The following ADCY8 variants were observed in gnomAD, a reference collection of about 807,000 sequenced individuals.
ADCY8 encodes adenylate cyclase type 8.
In ADCY8, 51 loss-of-function variants were observed where a neutral mutation model predicts 119.7. The ratio of observed to expected loss-of-function variants is 0.43; its 90% confidence interval spans 0.34 to 0.54. The LOEUF is 0.54. ADCY8 is among the 20% of genes least tolerant of loss of function. ADCY8 has a pLI of 0.03. For missense variants in ADCY8, 1,383 were observed against 1,598.8 expected (o/e 0.87, Z 2.30); for synonymous variants, 665 against 651.0 (o/e 1.02, Z -0.33).
chr8:131,034,253 A>C lies in ADCY8; in HGVS notation c.960+5121T>G, dbSNP rs565982307. Among the ~76,000 whole-genome samples, 11 of 152,292 alleles carry C rather than the reference A, an allele frequency of 7.2e-5. No homozygotes were observed. The South Asian group carries it at 2.3e-3, about 32-fold the overall frequency. On this transcript the variant is annotated intron_variant, in intron 1 of 17. Coordinates refer to ENST00000286355, the MANE Select transcript of ADCY8 (RefSeq NM_001115.3). ...CTACAAAGAACCTTAGACTTAGACA[A>C]AGAACATATAATATCTTATGTTTAA... is the stretch of plus-strand genomic sequence containing the variant.
chr8:130,986,884 C>T (rs1415572496), intron 2 of ADCY8, among the ~76,000 whole-genome samples: 1 of 152,182 alleles, frequency 6.6e-6, no homozygotes, highest in African/African-American at 2.4e-5. Context: ...AAGAGGTTCA[C>T]AATTTGCTGC....
intron 14 of ADCY8, among the ~76,000 whole-genome samples, chr8:130,807,832 A>C (rs577701283): frequency 2.7e-5 from 4 of 149,768 alleles, no homozygotes; most frequent in Admixed American, 1.3e-4. Flanking sequence ...AAAATACAAA[A>C]AATTAGCCGG....
At chr8:130,958,060 C>G (rs992160610) in intron 2 of ADCY8, among the ~76,000 whole-genome samples, 19 of 152,202 alleles carry the variant, frequency 1.2e-4, no homozygotes, top group African/African-American at 4.6e-4. Flanking sequence ...TCCTCCAGAC[C>G]CCAGAATGGT....
At chr8:130,878,954 A>G (rs1818665214) in intron 8 of ADCY8, among the ~76,000 whole-genome samples, 1 of 152,224 alleles carries the variant, frequency 6.6e-6, no homozygotes, top group African/African-American at 2.4e-5. Flanking sequence ...TCTTTATTCA[A>G]GATGAGGAAG....
chr8:130,950,040 C>T (rs141962043), intron 3 of ADCY8, among the ~76,000 whole-genome samples: 25 of 152,290 alleles, frequency 1.6e-4, no homozygotes, highest in Middle Eastern at 3.4e-3. Flanking sequence ...TTTTAAAACG[C>T]GTGTTCCTGC....
chr8:130,897,801 AC>A (rs1471666521), intron 7 of ADCY8, among the ~76,000 whole-genome samples: 1 of 87,750 alleles, frequency 1.1e-5, no homozygotes, highest in Non-Finnish European at 2.5e-5. Flanking sequence ...CACACACCAT[AC>A]CACACATATA....
At chr8:130,909,019 CTCCATCCATCCATCCATCCACCA>C (rs1196939218) in intron 6 of ADCY8, among the ~76,000 whole-genome samples, 5 of 100,688 alleles carry the variant, frequency 5.0e-5, no homozygotes, top group East Asian at 3.4e-4. Context: ...CTTTCTCTAT[CTCCATCCATCCATCCATCCACCA>C]TCCATCCATC....
chr8:130,926,366 TA>T (rs971396726), intron 5 of ADCY8, among the ~76,000 whole-genome samples: 2 of 152,158 alleles, frequency 1.3e-5, no homozygotes, highest in Non-Finnish European at 2.9e-5. Context: ...AACAGCTCAG[TA>T]AAAGGCAAAT....
chr8:130,976,977 C>T (rs1822090877), intron 2 of ADCY8, among the ~76,000 whole-genome samples: 1 of 152,168 alleles, frequency 6.6e-6, no homozygotes, highest in Non-Finnish European at 1.5e-5. Context: ...TCAAGGCCAA[C>T]CTGTCCCATC....
At chr8:130,801,899 CTTTTTT>C (rs34853195) in intron 14 of ADCY8, among the ~76,000 whole-genome samples, 2 of 97,792 alleles carry the variant, frequency 2.0e-5, no homozygotes, top group South Asian at 4.5e-4. Context: ...TTGAGAATGC[CTTTTTT>C]TTTTTTTTTT....
At chr8:130,821,887 T>C (rs1816521776) in intron 12 of ADCY8, among the ~76,000 whole-genome samples, 1 of 152,180 alleles carries the variant, frequency 6.6e-6, no homozygotes, top group Admixed American at 6.5e-5. Context: ...GGAGGTATTT[T>C]GCATATGAGG....
chr8:130,783,545 C>T, intron 17 of ADCY8, 146 bp downstream of exon 17: 1 of 580,672 alleles, frequency 1.7e-6, no homozygotes, highest in Non-Finnish European at 3.1e-6. Context: ...CCTGAGCTGA[C>T]CTTGTCCCTA....
At chr8:130,914,634 C>T (rs940041432) in intron 5 of ADCY8, among the ~76,000 whole-genome samples, 3 of 152,134 alleles carry the variant, frequency 2.0e-5, no homozygotes, top group Admixed American at 6.6e-5. Context: ...ATTTCAAGAT[C>T]AGTTCTTGAG....
At chr8:130,892,843 A>G (rs1819235583) in intron 7 of ADCY8, 1 of 152,090 alleles carries the variant, frequency 6.6e-6, no homozygotes, top group South Asian at 2.1e-4. Context: ...GGAATTACCA[A>G]CATTCTAGAT....
At chr8:130,916,763 G>C (rs1305762670) in intron 5 of ADCY8, among the ~76,000 whole-genome samples, 2 of 152,204 alleles carry the variant, frequency 1.3e-5, no homozygotes, top group Non-Finnish European at 1.5e-5. Flanking sequence ...CCATCCCTTC[G>C]TTTCCCTCAA....
chr8:130,822,986 G>C (rs1179716514), intron 12 of ADCY8, among the ~76,000 whole-genome samples: 4 of 152,294 alleles, frequency 2.6e-5, no homozygotes, highest in Non-Finnish European at 2.9e-5. Flanking sequence ...GCTTTAAAAA[G>C]TCACTTGTTC....
At chr8:130,998,561 C>A (rs1199252382) in intron 1 of ADCY8, among the ~76,000 whole-genome samples, 2 of 152,108 alleles carry the variant, frequency 1.3e-5, no homozygotes, top group African/African-American at 4.8e-5. Flanking sequence ...GAAGGCCCTG[C>A]AAAGTTCTTA....
chr8:130,897,722 TCA>T (rs1819447168), intron 7 of ADCY8, among the ~76,000 whole-genome samples: 1 of 570 alleles, frequency 1.8e-3, no homozygotes, highest in Non-Finnish European at 4.6e-3. Flanking sequence ...CATACACACA[TCA>T]CACACATACA....
At chr8:130,946,596 TA>T (rs1329541957) in intron 3 of ADCY8, among the ~76,000 whole-genome samples, 2 of 152,134 alleles carry the variant, frequency 1.3e-5, no homozygotes, top group East Asian at 3.9e-4. Flanking sequence ...TCATAACACT[TA>T]ACTCTCAATA....
Sources: gnomAD v4.1 joint callset for allele counts (sites outside exome capture counted in the v4.1 genomes callset) on GRCh38, gnomAD v4.1.1 for gene constraint, MANE v1.5 for transcripts, NCBI Gene and HGNC (gene_info 2026-07-23, HGNC 2026-07-21) for gene names.